The following LINGO2 variants were observed in gnomAD, a reference collection of about 807,000 sequenced individuals.
LINGO2 encodes leucine rich repeat and Ig domain containing 2.
In LINGO2, 14 loss-of-function variants were observed where a neutral mutation model predicts 30.6. That is an observed-to-expected ratio of 0.46 (90% confidence interval 0.30 to 0.72). The LOEUF (loss-of-function observed/expected upper bound fraction) is 0.72, where lower values mean the gene tolerates loss of function less well. Ranked by LOEUF, LINGO2 falls within the 30% of genes least tolerant of loss-of-function variation. The pLI, the probability that LINGO2 is intolerant of heterozygous loss-of-function variation, is 0.07. For synonymous variants in LINGO2, 317 were observed against 288.5 expected (o/e 1.10, Z -1.00); for missense variants, 729 against 751.7 (o/e 0.97, Z 0.35).
chr9:28,786,317 G>A, the LINGO2 span, among the ~76,000 whole-genome samples: 1 of 152,128 alleles, frequency 6.6e-6, no homozygotes. Flanking sequence ...CATTCTGGAG[G>A]CATATGGGAG....
the LINGO2 span, among the ~76,000 whole-genome samples, chr9:28,984,043 T>C: frequency 6.6e-6 from 1 of 152,034 alleles, no homozygotes; most frequent in Non-Finnish European, 1.5e-5. Context: ...AAGAAAGCTT[T>C]TTTAAAAAGG....
chr9:27,996,195 C>G (rs2119083867), intron 5 of LINGO2, among the ~76,000 whole-genome samples: 1 of 152,084 alleles, frequency 6.6e-6, no homozygotes, highest in African/African-American at 2.4e-5. Context: ...GGTGGAAATG[C>G]AAATTAGTGT....
At chr9:27,944,434 A>G (rs1431184700), downstream of LINGO2, 1 of 152,176 alleles carries the variant, frequency 6.6e-6, no homozygotes, top group Admixed American at 6.6e-5. Flanking sequence ...TTTGAAGGTG[A>G]AAAGGGGAGC....
chr9:28,301,657 T>C (rs1824149110), intron 3 of LINGO2, among the ~76,000 whole-genome samples: 1 of 152,232 alleles, frequency 6.6e-6, no homozygotes, highest in South Asian at 2.1e-4. Context: ...AAAACATTTA[T>C]TTCTCTTTGA....
At chr9:28,008,571 A>G (rs117562410) in intron 5 of LINGO2, among the ~76,000 whole-genome samples, 9,476 of 80,338 alleles carry the variant, frequency 0.12, 359 homozygotes, top group Non-Finnish European at 0.18. Flanking sequence ...ACTAAAAACT[A>G]TTAGAATAGA....
At chr9:28,189,445 GAGGA>G (rs1268477781) in intron 4 of LINGO2, among the ~76,000 whole-genome samples, 189 of 18,854 alleles carry the variant, frequency 0.01, no homozygotes, top group Non-Finnish European at 0.013. Context: ...GGAAGGGAGG[GAGGA>G]AGGAAGGAAG....
chr9:28,899,513 C>T, the LINGO2 span, among the ~76,000 whole-genome samples: 1 of 152,332 alleles, frequency 6.6e-6, no homozygotes, highest in Non-Finnish European at 1.5e-5. Flanking sequence ...CTCCAGACTT[C>T]AGGCTTACAC....
At chr9:28,566,007 G>T (rs1428093868) in intron 1 of LINGO2, among the ~76,000 whole-genome samples, 1 of 152,018 alleles carries the variant, frequency 6.6e-6, no homozygotes, top group East Asian at 1.9e-4. Context: ...ACCATTTTGT[G>T]AAACTTTTTT....
chr9:28,411,865 C>T (rs1186797285), intron 2 of LINGO2, among the ~76,000 whole-genome samples: 1 of 152,064 alleles, frequency 6.6e-6, no homozygotes, highest in African/African-American at 2.4e-5. Context: ...AGTGGCTGTG[C>T]CATTTTAAAT....
At chr9:28,006,690 A>T (rs1262976273) in intron 5 of LINGO2, among the ~76,000 whole-genome samples, 1 of 152,122 alleles carries the variant, frequency 6.6e-6, no homozygotes, top group Non-Finnish European at 1.5e-5. Context: ...TCAAGGATAG[A>T]TGAAAACTCT....
the LINGO2 span, among the ~76,000 whole-genome samples, chr9:28,743,236 C>A: frequency 6.6e-6 from 1 of 151,518 alleles, no homozygotes. Context: ...GCAGATCGTG[C>A]AGGTTTGTTA....
chr9:28,984,134 T>C, the LINGO2 span, among the ~76,000 whole-genome samples: 1 of 152,134 alleles, frequency 6.6e-6, no homozygotes, highest in Admixed American at 6.6e-5. Flanking sequence ...ATGTCTGCAG[T>C]AATCTTATAC....
intron 4 of LINGO2, among the ~76,000 whole-genome samples, chr9:28,294,286 G>A (rs2134180331): frequency 6.6e-6 from 1 of 152,196 alleles, no homozygotes; most frequent in South Asian, 2.1e-4. Context: ...AGCTATATTT[G>A]TAAAAAGCTT....
chr9:29,045,683 G>A, the LINGO2 span, among the ~76,000 whole-genome samples: 174 of 152,032 alleles, frequency 1.1e-3, no homozygotes, highest in African/African-American at 3.8e-3. Context: ...TGTGAAGAAT[G>A]TCATCAATAG....
the LINGO2 span, among the ~76,000 whole-genome samples, chr9:28,699,235 T>C: frequency 6.6e-6 from 1 of 152,112 alleles, no homozygotes; most frequent in African/African-American, 2.4e-5. Context: ...TATAATATCA[T>C]ATGGACTGTA....
chr9:28,695,904 C>G, the LINGO2 span, among the ~76,000 whole-genome samples: 1 of 151,860 alleles, frequency 6.6e-6, no homozygotes, highest in Non-Finnish European at 1.5e-5. Context: ...GATGCATGTA[C>G]TACTTGATTC....
chr9:28,982,342 T>C, the LINGO2 span, among the ~76,000 whole-genome samples: 1 of 152,034 alleles, frequency 6.6e-6, no homozygotes, highest in Non-Finnish European at 1.5e-5. Context: ...CGGTAGAAAA[T>C]GGAGGGAGAT....
chr9:28,911,413 A>G, the LINGO2 span, among the ~76,000 whole-genome samples: 1 of 151,996 alleles, frequency 6.6e-6, no homozygotes, highest in African/African-American at 2.4e-5. Context: ...CTACAGGTAC[A>G]TATAAAAAAT....
chr9:28,029,876 C>A (rs899757790), intron 4 of LINGO2, among the ~76,000 whole-genome samples: 23 of 152,062 alleles, frequency 1.5e-4, no homozygotes, highest in Non-Finnish European at 7.4e-5. Flanking sequence ...TTGGTTGGAT[C>A]AAGGTTATAG....
Sources: gnomAD v4.1 joint callset for allele counts (sites outside exome capture counted in the v4.1 genomes callset) on GRCh38, gnomAD v4.1.1 for gene constraint, MANE v1.5 for transcripts, NCBI Gene and HGNC (gene_info 2026-07-23, HGNC 2026-07-21) for gene names.